Variants in TMCO4 observed in about 807,000 individuals in gnomAD.
The protein encoded by TMCO4 is transmembrane and coiled-coil domain-containing protein 4.
In TMCO4, 58 loss-of-function variants were observed where a neutral mutation model predicts 64.7. The ratio of observed to expected loss-of-function variants is 0.90; its 90% CI spans 0.73 to 1.12. The LOEUF (loss-of-function observed/expected upper bound fraction) is 1.12, where lower values mean the gene tolerates loss of function less well. TMCO4 is among the 50% of genes most tolerant of loss of function. The pLI is 0.00. For missense variants in TMCO4, 780 were observed against 825.9 expected, an observed-to-expected ratio of 0.94 and a Z score of 0.68; for synonymous variants, 325 against 346.1, an observed-to-expected ratio of 0.94 and a Z score of 0.68.
Position 19,770,613 on chromosome 1 carries a change from G to A in TMCO4, c.355-44C>T, listed in dbSNP as rs79514605. On this transcript the variant is annotated intron_variant, in intron 5 of 15. Transcript: ENST00000294543. ...GGCATCAATGACAAAGCTGATATAC[G>A]ATACAGCGCGCTCATTTGACAAATA... The A allele has an allele frequency of 6.2e-3, 9,897 of 1,585,252 alleles. 503 individuals are homozygous for A. The East Asian group carries it at 0.13, about 20-fold the overall frequency.
chr1:19,769,042 C>T (rs534327796), intron 6 of TMCO4, among the ~76,000 whole-genome samples: 3 of 152,344 alleles, frequency 2.0e-5, no homozygotes, highest in Non-Finnish European at 4.4e-5. Flanking sequence ...TGGCCAAGCA[C>T]GCATGAGAAA....
chr1:19,752,815 C>A (rs1294506008), intron 7 of TMCO4, among the ~76,000 whole-genome samples: 13 of 151,320 alleles, frequency 8.6e-5, no homozygotes, highest in Non-Finnish European at 1.9e-4. Flanking sequence ...GACTTTATTT[C>A]TTTATTTGTG....
intron 4 of TMCO4, among the ~76,000 whole-genome samples, chr1:19,776,273 C>T (rs1158243111): frequency 1.3e-5 from 2 of 152,254 alleles, no homozygotes; most frequent in East Asian, 1.9e-4. Flanking sequence ...TGGAAACAAC[C>T]GGCATACTGA....
In TMCO4 at chr1:19,720,005, A is replaced by ATTTT. The variant is rs56755114; in HGVS notation, c.1264+17363_1264+17366dup. Among the ~76,000 whole-genome samples, 47 of 116,950 alleles carry ATTTT rather than the reference A, an allele frequency of 4.0e-4. 5 individuals carry two copies. The highest frequency in any genetic ancestry group is 4.9e-3 in the Middle Eastern group (1 of 204). The allele number at this position is 116,950 out of a possible 152,430, so 76.7% of individuals were successfully genotyped here. A position where few individuals can be genotyped will look rare whatever the true frequency, so the allele number is the denominator to read the frequency against. On this transcript the variant is annotated intron_variant, in intron 13 of 15. Transcript: ENST00000294543. ...AGATTCCTTCTCAAAAAGGAAAATA[A>ATTTT]TTTTTTTTTTTTTTTTTTTTGTAGA...
intron 13 of TMCO4, among the ~76,000 whole-genome samples, chr1:19,709,291 G>A (rs1051961210): frequency 1.3e-5 from 2 of 152,006 alleles, no homozygotes; most frequent in South Asian, 2.1e-4. Flanking sequence ...CCCGGCGGGG[G>A]GGGGGGACCC....
intron 13 of TMCO4, among the ~76,000 whole-genome samples, chr1:19,717,147 T>C (rs1308695077): frequency 1.3e-5 from 2 of 152,118 alleles, no homozygotes; most frequent in African/African-American, 4.8e-5. Context: ...GATTGTGCCA[T>C]TGCACTCCAG....
intron 3 of TMCO4, among the ~76,000 whole-genome samples, chr1:19,782,698 C>T (rs1439684420): frequency 1.3e-5 from 2 of 152,078 alleles, no homozygotes; most frequent in Non-Finnish European, 2.9e-5. Context: ...AGAGAGGGGA[C>T]ACGCCAAGAA....
In TMCO4 at chr1:19,732,809, A is replaced by T. The variant is rs2095435787; in HGVS notation, c.1264+4563T>A. On this transcript the variant is annotated intron_variant, in intron 13 of 15. Coordinates refer to ENST00000294543, the MANE Select transcript of TMCO4 (RefSeq NM_181719.7). The surrounding 1 kb of genome is among the most constrained non-coding windows in gnomAD (Gnocchi z 4.8). ...ACTACAGGGGGAAAATGCCAGCTGC[A>T]CTTTTGTCCACCGGGTTCATCTTGG... Among the ~76,000 whole-genome samples the T allele has an allele frequency of 2.6e-5, 4 of 152,126 alleles. No individual in the cohort carries two copies. The highest frequency in any genetic ancestry group is 4.8e-5 in the African/African-American group (2 of 41,428).
intron 5 of TMCO4, 134 bp downstream of exon 5, chr1:19,771,174 A>G: frequency 2.1e-6 from 2 of 946,916 alleles, no homozygotes; most frequent in Non-Finnish European, 3.2e-6. Flanking sequence ...AGCTATGATC[A>G]TGATATGATA....
Position 19,732,346 on chromosome 1 carries a change from A to AT in TMCO4, c.1264+5025dup, listed in dbSNP as rs925927227. On this transcript the variant is annotated intron_variant, in intron 13 of 15. Transcript: ENST00000294543. This position sits in a 1 kb window ranked among gnomAD's most constrained non-coding sequence, Gnocchi z 4.8. The stretch of plus-strand genomic sequence containing the variant: ...GCCACCATGCCTGGCTAATTTTAAA[A>AT]TTTTTTGTAGAGGCAAATTATGTTG... Among the ~76,000 whole-genome samples the AT allele has an allele frequency of 6.6e-6, 1 of 151,712 alleles. No homozygotes were observed. Among genetic ancestry groups the AT allele is most frequent in the Non-Finnish European group, 1.5e-5 (1 of 67,894 alleles).
At position 19,720,635 on chromosome 1, in the gene TMCO4, CATAA is replaced by C. The variant is rs146702188; in HGVS notation, c.1264+16733_1264+16736del. ...TTGGGGGAAGAATGATGGGGCTTTG[CATAA>C]ATAAATAAATAAATACGTGTCTAAG... is the stretch of plus-strand genomic sequence containing the variant. On this transcript the variant is annotated intron_variant, in intron 13 of 15. Transcript: ENST00000294543. Among the ~76,000 whole-genome samples, 6 of 152,002 alleles carry C rather than the reference CATAA, an allele frequency of 3.9e-5. No homozygotes were observed. In the South Asian group the frequency reaches 1.2e-3, roughly 32 times the overall value.
chr1:19,737,394 C>T lies in TMCO4; in HGVS notation c.1242G>A (p.Leu414=). 4 of 1,613,724 alleles carry T rather than the reference C, an allele frequency of 2.5e-6. No individual in the cohort carries two copies. Among genetic ancestry groups the T allele is most frequent in the Non-Finnish European group, 3.4e-6 (4 of 1,179,806 alleles). The change falls in exon 13 of 16, where the codon CTG becomes CTA. Residue 414 remains leucine (L), a synonymous_variant. Coordinates refer to ENST00000294543, the MANE Select transcript of TMCO4 (RefSeq NM_181719.7). ...SLGARVIYFC[L]QEMAQEKDCQ... is the part of the protein sequence containing the mutation. Reference sequence around the variant, plus strand: ...CACCTTTCTCTTGAGCCATCTCCTGCAGACAGAAGTAGATGACTCTGGCTC... The same window carrying T: ...CACCTTTCTCTTGAGCCATCTCCTGTAGACAGAAGTAGATGACTCTGGCTC...
At chr1:19,744,147 T>C (rs2041657317) in intron 10 of TMCO4, among the ~76,000 whole-genome samples, 1 of 152,122 alleles carries the variant, frequency 6.6e-6, no homozygotes, top group Non-Finnish European at 1.5e-5. Flanking sequence ...GCCTGAGTGG[T>C]CAGGTTGGGA....
chr1:19,786,977 T>A (rs2043777410), intron 3 of TMCO4, 49 bp downstream of exon 3: 1 of 152,190 alleles, frequency 6.6e-6, no homozygotes, highest in African/African-American at 2.4e-5. Flanking sequence ...AAGACCATTT[T>A]AAATAGTAAT....
chr1:19,736,146 C>T (rs143309011), intron 13 of TMCO4, among the ~76,000 whole-genome samples: 2 of 152,246 alleles, frequency 1.3e-5, no homozygotes, highest in African/African-American at 2.4e-5. Context: ...TTGGAGAGGC[C>T]GTTTTGCAGC....
rs761738729 is a variant in TMCO4 at position 19,746,474 on chromosome 1, C to A, written c.739G>T (p.Ala247Ser). The A allele has an allele frequency of 1.2e-6, 2 of 1,613,394 alleles. No homozygotes were observed. The highest frequency in any genetic ancestry group is 1.7e-5 in the Admixed American group (1 of 59,926). ...IAIMTSLFGA[A>S]GAGLTGYKMK... is the part of the protein sequence containing the mutation. ...ACCTTACCTGTCAGGCCAGCTCCAG[C>A]TGCACCAAACAGCGAGGTCATGATG... The change falls in exon 9 of 16, where the codon GCT becomes TCT. Residue 247 changes from alanine to serine, a missense_variant. Coordinates refer to ENST00000294543, the MANE Select transcript of TMCO4 (RefSeq NM_181719.7).
rs572638585 is a variant in TMCO4 at position 19,770,698 on chromosome 1, C to T, written c.355-129G>A. The T allele has an allele frequency of 3.3e-5, 29 of 878,332 alleles. No individual in the cohort carries two copies. The African/African-American group carries it at 3.8e-4, about 11-fold the overall frequency. The allele number at this position is 878,332 out of a possible 1,614,324, so 54.4% of individuals were successfully genotyped here. ...AAAAGCCACTGCCCTAGATTCTAGA[C>T]GTGAGCCAGATGATAAACAGGCAAG... On this transcript the variant is annotated intron_variant, in intron 5 of 15. Transcript: ENST00000294543.
chr1:19,694,300 C>A, intron 15 of TMCO4, 134 bp downstream of exon 15: 1 of 735,564 alleles, frequency 1.4e-6, no homozygotes, highest in South Asian at 2.2e-5. Context: ...CTGCACCTGG[C>A]TCCAAATAAA....
chr1:19,763,226 C>A (rs1233507396), intron 6 of TMCO4, among the ~76,000 whole-genome samples: 1 of 152,118 alleles, frequency 6.6e-6, no homozygotes, highest in East Asian at 1.9e-4. Flanking sequence ...CAGGTACCCA[C>A]CACCATGCCT....
Sources: gnomAD v4.1 joint callset for allele counts (sites outside exome capture counted in the v4.1 genomes callset) on GRCh38, gnomAD v4.1.1 for gene constraint, Gnocchi (gnomAD v3.1) non-coding constraint, MANE v1.5 for transcripts, NCBI Gene and HGNC (gene_info 2026-07-23, HGNC 2026-07-21) for gene names.